RPL22L1: variants seen among roughly 807,000 people sequenced by gnomAD.
The protein encoded by RPL22L1 is ribosomal protein eL22-like.
In RPL22L1, 19 loss-of-function variants were observed where a neutral mutation model predicts 17.3. The ratio of observed to expected loss-of-function variants is 1.10; its 90% CI spans 0.77 to 1.61. RPL22L1 has a LOEUF of 1.61. Among genes scored for constraint, RPL22L1 ranks in the 40% most tolerant of loss-of-function variants. The pLI, the probability that RPL22L1 is intolerant of heterozygous loss-of-function variation, is 0.00. For synonymous variants in RPL22L1, 48 were observed against 48.5 expected, an observed-to-expected ratio of 0.99 and a Z score of 0.05; for missense variants, 139 against 144.4, an observed-to-expected ratio of 0.96 and a Z score of 0.19.
chr3:170,866,622 T>C lies in RPL22L1; in HGVS notation c.225-98A>G, dbSNP rs1259600087. 4.7e-6 allele frequency: 4 copies of C among 847,302 alleles called. No homozygotes were observed. In the East Asian group the frequency reaches 1.1e-4, roughly 23 times the overall value. The allele number at this position is 847,302 out of a possible 1,614,324, so 52.5% of individuals were successfully genotyped here. Reference sequence around the variant, plus strand: ...TATACATCATCATATTCATCTTTTCTGTACCTAGCTTCCTCCAAAATATTT... The same window carrying C: ...TATACATCATCATATTCATCTTTTCCGTACCTAGCTTCCTCCAAAATATTT... On this transcript the variant is annotated intron_variant, in intron 3 of 3. Transcript: ENST00000295830.
chr3:170,866,462 A>G lies in RPL22L1; in HGVS notation c.287T>C (p.Val96Ala). Residue 96 changes from valine to alanine, a missense_variant, in exon 4 of 4, where the codon GTG becomes GCG. Transcript: ENST00000295830. ...GTAGGTCTCCTTGTCAGATGCAACC[A>G]CTCGAAGCCAATCACGAAGATTGTT... ...KKNNLRDWLR[V>A]VASDKETYEL... 6.3e-7 allele frequency: 1 copy of G among 1,590,038 alleles called. No individual in the cohort carries two copies. The highest frequency in any genetic ancestry group is 8.6e-7 in the Non-Finnish European group (1 of 1,167,158).
At chr3:170,866,715 A>G (rs1711783632) in intron 3 of RPL22L1, among the ~76,000 whole-genome samples, 191 bp from the exon 4 acceptor site, 3 of 152,162 alleles carry the variant, frequency 2.0e-5, no homozygotes. Context: ...ATACTGCCAC[A>G]CTATATATTG....
chr3:170,866,597 T>C lies in RPL22L1; in HGVS notation c.225-73A>G, dbSNP rs114911599. ...ATGTAAAGGTTTACTATACGAAAAA[T>C]ATACATCATCATATTCATCTTTTCT... On this transcript the variant is annotated intron_variant, in intron 3 of 3. Coordinates refer to ENST00000295830, the MANE Select transcript of RPL22L1 (RefSeq NM_001099645.2). 1,346 of 1,076,898 alleles carry C rather than the reference T, an allele frequency of 1.2e-3. 23 individuals are homozygous for C. In the African/African-American group the frequency reaches 0.018, roughly 14 times the overall value. 66.7% of individuals were successfully genotyped at this position (1,076,898 alleles called of 1,614,324 possible).
intron 1 of RPL22L1, among the ~76,000 whole-genome samples, chr3:170,869,163 A>C (rs1312226292): frequency 2.6e-5 from 4 of 152,066 alleles, no homozygotes; most frequent in Non-Finnish European, 5.9e-5. Context: ...TAAATTTTCC[A>C]TATCCAAACC....
At position 170,866,503 on chromosome 3, in the gene RPL22L1, C is replaced by T; in HGVS notation, c.246G>A (p.Lys82=). 1 of 1,556,940 alleles carries T rather than the reference C, an allele frequency of 6.4e-7. No homozygotes were observed. The highest frequency in any genetic ancestry group is 8.7e-7 in the Non-Finnish European group (1 of 1,149,374). Residue 82 remains lysine, a synonymous_variant, in exon 4 of 4, where the codon AAG becomes AAA. Transcript: ENST00000295830. ...GAAGATTGTTCTTCTTAAGGTATTTCTTGGTAAGGTATTTCAAATACCTTT... is the reference window on the plus strand; with the variant it reads ...GAAGATTGTTCTTCTTAAGGTATTTTTTGGTAAGGTATTTCAAATACCTTT... ...FSKRYLKYLT[K]KYLKKNNLRD...
intron 3 of RPL22L1, 86 bp downstream of exon 3, chr3:170,867,927 A>G: frequency 9.0e-7 from 1 of 1,108,780 alleles, no homozygotes; most frequent in Non-Finnish European, 1.3e-6. Context: ...ATTCTTGCAT[A>G]TAAACAGAAT....
chr3:170,869,375 T>G (rs187441097), intron 1 of RPL22L1, among the ~76,000 whole-genome samples: 17 of 152,324 alleles, frequency 1.1e-4, no homozygotes, highest in Admixed American at 9.1e-4. Flanking sequence ...CAAAAGATAA[T>G]TACCCAGTTG....
In RPL22L1 at chr3:170,865,556, G is replaced by A. The variant is rs1328258005; in HGVS notation, c.*824C>T. 3 of 152,144 alleles carry A rather than the reference G, an allele frequency of 2.0e-5. No individual in the cohort carries two copies. The highest frequency in any genetic ancestry group is 6.5e-5 in the Admixed American group (1 of 15,268). 9.4% of individuals were successfully genotyped at this position (152,144 alleles called of 1,614,324 possible). On this transcript the variant is annotated 3_prime_UTR_variant, in exon 4 of 4. Transcript: ENST00000295830. ...GATGCTCTGAGACAAGATTCCAACC[G>A]AGTGAACTAATTTTTTCAGACAAGG...
chr3:170,867,163 C>T (rs777340156), intron 3 of RPL22L1, among the ~76,000 whole-genome samples: 9 of 152,172 alleles, frequency 5.9e-5, no homozygotes, highest in Non-Finnish European at 8.8e-5. Flanking sequence ...GCTCTTACAT[C>T]TTCAGTTTCC....
intron 3 of RPL22L1, among the ~76,000 whole-genome samples, chr3:170,867,094 C>A (rs1410182127): frequency 1.4e-5 from 2 of 147,652 alleles, no homozygotes; most frequent in African/African-American, 2.4e-5. Context: ...ATTATAATCT[C>A]AGTTAACATG....
rs373640167 is a variant in RPL22L1 at position 170,868,091 on chromosome 3, C to T, written c.146G>A (p.Gly49Glu). The T allele has an allele frequency of 9.3e-6, 15 of 1,605,770 alleles. No homozygotes were observed. In the African/African-American group the frequency reaches 2.0e-4, roughly 21 times the overall value. Residue 49 changes from glycine (G) to glutamate (E), a missense_variant, in exon 3 of 4, where the codon GGA (glycine) becomes GAA (glutamate). Coordinates refer to ENST00000295830, the MANE Select transcript of RPL22L1 (RefSeq NM_001099645.2). ...AATGTGAACAACATTCCCGAGATTTCCAGTTTTGCCATTGACTTTAACCTT... is the reference window on the plus strand; with the variant it reads ...AATGTGAACAACATTCCCGAGATTTTCAGTTTTGCCATTGACTTTAACCTT... ...REKVKVNGKTGNLGNVVHIER... is the reference protein window; with the variant it reads ...REKVKVNGKTENLGNVVHIER...
rs1711739659 is a variant in RPL22L1, at chr3:170,865,886, G to A, written c.*494C>T. ...CAGTAAGATTTCCTGGCCGGGCATGGTGGTTCACAGCTATAATCAGCACTT... is the reference window on the plus strand; with the variant it reads ...CAGTAAGATTTCCTGGCCGGGCATGATGGTTCACAGCTATAATCAGCACTT... On this transcript the variant is annotated 3_prime_UTR_variant, in exon 4 of 4. Coordinates refer to ENST00000295830, the MANE Select transcript of RPL22L1 (RefSeq NM_001099645.2). 6.6e-6 allele frequency: 1 copy of A among 152,388 alleles called. No homozygotes were observed. The highest frequency in any genetic ancestry group is 6.5e-5 in the Admixed American group (1 of 15,304). 9.4% of individuals were successfully genotyped at this position (152,388 alleles called of 1,614,324 possible).
At chr3:170,869,103 GAC>G (rs1415671427) in intron 1 of RPL22L1, among the ~76,000 whole-genome samples, 1 of 127,502 alleles carries the variant, frequency 7.8e-6, no homozygotes, top group Non-Finnish European at 1.7e-5. Context: ...CTGGGCAACA[GAC>G]TCTGTCTCAA....
chr3:170,869,736 G>C (rs894398617), intron 1 of RPL22L1, among the ~76,000 whole-genome samples: 3 of 151,814 alleles, frequency 2.0e-5, no homozygotes, highest in African/African-American at 7.3e-5. Context: ...CGGGAGCTGA[G>C]CGCCTAGGAG....
chr3:170,869,983 G>GA, intron 1 of RPL22L1, 176 bp downstream of exon 1: 1 of 936,502 alleles, frequency 1.1e-6, no homozygotes, highest in Non-Finnish European at 1.7e-6. Context: ...AGCTGCCAGG[G>GA]AGTCTCGAAA....
Position 170,866,604 on chromosome 3 carries a change from C to A in RPL22L1, c.225-80G>T, listed in dbSNP as rs1711778071. 6 of 971,440 alleles carry A rather than the reference C, an allele frequency of 6.2e-6. No individual in the cohort carries two copies. In the Middle Eastern group the frequency reaches 1.2e-3, roughly 200 times the overall value. The allele number at this position is 971,440 out of a possible 1,614,324, so 60.2% of individuals were successfully genotyped here. A position where few individuals can be genotyped will look rare whatever the true frequency, so the allele number is the denominator to read the frequency against. ...GGTTTACTATACGAAAAATATACAT[C>A]ATCATATTCATCTTTTCTGTACCTA... On this transcript the variant is annotated intron_variant, in intron 3 of 3. Transcript: ENST00000295830.
rs1269175487 is a variant in RPL22L1, at chr3:170,865,690, G to C, written c.*690C>G. 1 of 152,176 alleles carries C rather than the reference G, an allele frequency of 6.6e-6. No individual in the cohort carries two copies. The highest frequency in any genetic ancestry group is 1.5e-5 in the Non-Finnish European group (1 of 68,054). The allele number at this position is 152,176 out of a possible 1,614,324, so 9.4% of individuals were successfully genotyped here. A position where few individuals can be genotyped will look rare whatever the true frequency, so the allele number is the denominator to read the frequency against. ...AGCAGTTTAACATTGGTTTACAGCA[G>C]GCCTCACACCCAGAGTCTTTGGGCT... On this transcript the variant is annotated 3_prime_UTR_variant, in exon 4 of 4. Transcript: ENST00000295830.
Position 170,870,178 on chromosome 3 carries a change from G to A in RPL22L1, c.-11C>T. 1.2e-6 allele frequency: 2 copies of A among 1,613,600 alleles called. No individual in the cohort carries two copies. On this transcript the variant is annotated 5_prime_UTR_variant, in exon 1 of 4. Transcript: ENST00000295830. The stretch of plus-strand genomic sequence containing the variant: ...ACTCACCGGCGCCATCTTGCGAGTC[G>A]GCCGCGAGAGCAGAGAGGAAGCTAC...
chr3:170,868,462 T>C, intron 1 of RPL22L1, 72 bp from the exon 2 acceptor site: 3 of 926,954 alleles, frequency 3.2e-6, no homozygotes, highest in Non-Finnish European at 5.1e-6. Context: ...ATTTTAAAGT[T>C]TGTACCAATG....
Sources: gnomAD v4.1 joint callset for allele counts (sites outside exome capture counted in the v4.1 genomes callset) on GRCh38, gnomAD v4.1.1 for gene constraint, MANE v1.5 for transcripts, NCBI Gene and HGNC (gene_info 2026-07-23, HGNC 2026-07-21) for gene names.